The following CCDC148 variants were observed in gnomAD, a reference collection of about 807,000 sequenced individuals.
CCDC148 encodes the protein coiled-coil domain containing 148.
CCDC148 carries 89 observed loss-of-function variants against 85.7 expected under a neutral mutation model. That is an observed-to-expected ratio of 1.04 (90% CI 0.87 to 1.24). CCDC148 has a LOEUF of 1.24. Among genes scored for constraint, CCDC148 ranks in the 50% most tolerant of loss-of-function variants. CCDC148 has a pLI of 0.00. For missense variants in CCDC148, 692 were observed against 671.7 expected (o/e 1.03, Z -0.33); for synonymous variants, 230 against 213.9 (o/e 1.08, Z -0.66).
At chr2:158,398,778 G>A (rs1377325875) in intron 1 of CCDC148, among the ~76,000 whole-genome samples, 1 of 152,212 alleles carries the variant, frequency 6.6e-6, no homozygotes, top group East Asian at 1.9e-4. Flanking sequence ...TAAGATCAGA[G>A]CAGAAGTGAA....
At chr2:158,213,581 AG>A (rs1381465004) in intron 11 of CCDC148, among the ~76,000 whole-genome samples, 1 of 152,180 alleles carries the variant, frequency 6.6e-6, no homozygotes, top group Non-Finnish European at 1.5e-5. Context: ...AAGGGGAGAA[AG>A]GCCCCTGTGC....
intron 1 of CCDC148, among the ~76,000 whole-genome samples, chr2:158,364,506 A>C (rs141509232): frequency 0.18 from 26,927 of 152,128 alleles, 3,091 homozygotes; most frequent in Middle Eastern, 0.26. Context: ...AAATAATGCC[A>C]CACATCTAAA....
At chr2:158,208,597 A>G (rs1257345804) in intron 11 of CCDC148, among the ~76,000 whole-genome samples, 1 of 152,154 alleles carries the variant, frequency 6.6e-6, no homozygotes, top group Non-Finnish European at 1.5e-5. Flanking sequence ...GAGATGCCCA[A>G]TGTCATGAGA....
At chr2:158,266,942 A>G (rs559003258) in intron 9 of CCDC148, among the ~76,000 whole-genome samples, 77 of 150,404 alleles carry the variant, frequency 5.1e-4, no homozygotes, top group South Asian at 2.3e-3. Context: ...ACACATATAT[A>G]TGTGTGTGTG....
At chr2:158,324,990 G>A (rs10188238) in intron 7 of CCDC148, among the ~76,000 whole-genome samples, 65,691 of 150,660 alleles carry the variant, frequency 0.44, 14,571 homozygotes, top group Middle Eastern at 0.53. Context: ...CAACTCCAAG[G>A]CATCATTCAG....
Position 158,250,778 on chromosome 2 carries a change from T to C in CCDC148, c.1245A>G (p.Lys415=), listed in dbSNP as rs1688758105. The C allele has an allele frequency of 6.4e-7, 1 of 1,551,284 alleles. No individual in the cohort carries two copies. The highest frequency in any genetic ancestry group is 2.0e-5 in the Admixed American group (1 of 51,278). ...TTGACAATAGATTTTTTACTTTTTT[T>C]TTCTTCTCTGCTCTTTGCAACAATT... ...KKELLQRAEK[K]KKIKKYWAKK... The change falls in exon 10 of 14, where the codon AAA becomes AAG. Residue 415 remains lysine, a synonymous_variant. Transcript: ENST00000283233.
chr2:158,417,926 T>C (rs923990504), intron 1 of CCDC148, among the ~76,000 whole-genome samples: 2 of 152,218 alleles, frequency 1.3e-5, no homozygotes, highest in Non-Finnish European at 2.9e-5. Context: ...TTTTGCATCA[T>C]TCTGCTCTTA....
chr2:158,280,053 A>G (rs1285784812), intron 9 of CCDC148, among the ~76,000 whole-genome samples: 1 of 151,832 alleles, frequency 6.6e-6, no homozygotes, highest in African/African-American at 2.4e-5. Context: ...GAGAAATAAA[A>G]TCCTTTACAG....
intron 1 of CCDC148, among the ~76,000 whole-genome samples, chr2:158,395,715 G>C (rs1276129264): frequency 1.3e-5 from 2 of 152,024 alleles, no homozygotes; most frequent in Admixed American, 6.6e-5. Flanking sequence ...GAAGACAAAG[G>C]GCTCTGGAAT....
chr2:158,175,928 T>A (rs1346521258), intron 13 of CCDC148, among the ~76,000 whole-genome samples: 1 of 151,966 alleles, frequency 6.6e-6, no homozygotes, highest in Non-Finnish European at 1.5e-5. Flanking sequence ...CCTCAATCCA[T>A]CCATCTAAAA....
intron 9 of CCDC148, among the ~76,000 whole-genome samples, chr2:158,266,244 G>A (rs1162636596): frequency 1.3e-5 from 2 of 152,084 alleles, no homozygotes; most frequent in Non-Finnish European, 2.9e-5. Context: ...GGTGTAAAAT[G>A]ACAGGTGGTG....
At chr2:158,439,701 G>A (rs1687847875) in intron 1 of CCDC148, among the ~76,000 whole-genome samples, 2 of 152,002 alleles carry the variant, frequency 1.3e-5, no homozygotes, top group African/African-American at 4.8e-5. Flanking sequence ...ATCCAAAAAA[G>A]AAAGGGTAGA....
intron 7 of CCDC148, among the ~76,000 whole-genome samples, chr2:158,335,333 A>G (rs1356088724): frequency 8.5e-5 from 13 of 152,198 alleles, no homozygotes. Flanking sequence ...CAAAGTTCAT[A>G]GTGAATTTTG....
intron 1 of CCDC148, among the ~76,000 whole-genome samples, chr2:158,373,283 C>G (rs1022191893): frequency 3.9e-5 from 6 of 151,998 alleles, no homozygotes; most frequent in Non-Finnish European, 7.4e-5. Context: ...CCTAGAGGCT[C>G]CAAAGGAATA....
intron 11 of CCDC148, among the ~76,000 whole-genome samples, chr2:158,199,352 C>G (rs1685834514): frequency 6.6e-6 from 1 of 152,132 alleles, no homozygotes; most frequent in African/African-American, 2.4e-5. Flanking sequence ...TCAAGTGATT[C>G]TCCTGCCTCG....
chr2:158,276,209 T>A (rs1689934410), intron 9 of CCDC148, among the ~76,000 whole-genome samples: 1 of 152,058 alleles, frequency 6.6e-6, no homozygotes. Context: ...GGCGAGTGGA[T>A]CACTCGAGGT....
At chr2:158,423,891 T>G (rs1686935536) in intron 1 of CCDC148, among the ~76,000 whole-genome samples, 1 of 151,892 alleles carries the variant, frequency 6.6e-6, no homozygotes, top group African/African-American at 2.4e-5. Flanking sequence ...AACAACCCCA[T>G]CAAAAAGTGG....
intron 11 of CCDC148, among the ~76,000 whole-genome samples, chr2:158,216,224 AG>A (rs1686846705): frequency 6.6e-6 from 1 of 152,092 alleles, no homozygotes; most frequent in South Asian, 2.1e-4. Flanking sequence ...AGACTACATG[AG>A]GGTAGTGGTT....
At chr2:158,366,028 C>A in intron 1 of CCDC148, 1 of 1,541,326 alleles carries the variant, frequency 6.5e-7, no homozygotes, top group African/African-American at 1.4e-5. Flanking sequence ...GCTATCATTT[C>A]TCTGAATTGT....
Sources: allele counts gnomAD v4.1 joint callset (sites outside exome capture counted in the v4.1 genomes callset), GRCh38; gene constraint gnomAD v4.1.1; transcripts MANE v1.5; gene names NCBI Gene and HGNC (gene_info 2026-07-23, HGNC 2026-07-21).